ZNF277: variants seen among roughly 807,000 people sequenced by gnomAD.
ZNF277 encodes nuclear receptor-interacting factor 4.
Under a neutral mutation model 60.7 loss-of-function variants are expected in ZNF277, and 55 were observed. The observed-to-expected ratio is 0.91, with a 90% CI of 0.73 to 1.13. The LOEUF is 1.13. ZNF277 is among the 50% of genes most tolerant of loss of function. The probability of loss-of-function intolerance (pLI) is 0.00; values close to 1 mark genes in which losing one functional copy is unlikely to be tolerated. For synonymous variants in ZNF277, 178 were observed against 179.3 expected (o/e 0.99, Z 0.06); for missense variants, 510 against 523.0 (o/e 0.98, Z 0.24).
chr7:112,270,893 C>CA (rs1791653444), intron 1 of ZNF277, among the ~76,000 whole-genome samples: 1 of 151,354 alleles, frequency 6.6e-6, no homozygotes, highest in South Asian at 2.1e-4. Flanking sequence ...CTGGGAGTAG[C>CA]AAAAAATAAA....
intron 1 of ZNF277, 110 bp from the exon 2 acceptor site, chr7:112,286,763 A>G (rs1792072043): frequency 2.2e-6 from 2 of 914,600 alleles, no homozygotes; most frequent in Non-Finnish European, 3.2e-6. Flanking sequence ...GGAGACATGT[A>G]AATATCTTTA....
rs111416783 is a variant in ZNF277 at position 112,239,889 on chromosome 7, TAGAC to T, written c.91+33089_91+33092del. Among the ~76,000 whole-genome samples the T allele has an allele frequency of 2.1e-3, 314 of 152,262 alleles. 2 individuals carry two copies. Among genetic ancestry groups the T allele is most frequent in the African/African-American group, 7.2e-3 (299 of 41,570 alleles). ...AAGTACTACAACCACTTTTAAGACA[TAGAC>T]AGACAGTATAATAAGATCTAAATAG... On this transcript the variant is annotated intron_variant, in intron 1 of 11. Coordinates refer to ENST00000361822, the MANE Select transcript of ZNF277 (RefSeq NM_021994.3).
At chr7:112,240,595 A>T (rs906963059) in intron 1 of ZNF277, among the ~76,000 whole-genome samples, 3 of 152,156 alleles carry the variant, frequency 2.0e-5, no homozygotes, top group Non-Finnish European at 4.4e-5. Context: ...AATGCTACTG[A>T]GCTATGATAA....
intron 1 of ZNF277, among the ~76,000 whole-genome samples, chr7:112,284,671 A>G (rs10258413): frequency 0.057 from 8,707 of 152,128 alleles, 665 homozygotes; most frequent in African/African-American, 0.18. Flanking sequence ...CCGTACTGTC[A>G]TGTATATCCT....
At position 112,340,937 on chromosome 7, in the gene ZNF277, T is replaced by A. The variant is rs755274564; in HGVS notation, c.1075T>A (p.Cys359Ser). The stretch of plus-strand genomic sequence containing the variant: ...TCGGAGGCAAGTTCACCAATGCAGA[T>A]GTTATGGCTGCCATGTGAAGTTCAA... ...FIRRQVHQCRCYGCHVKFKSK... is the reference protein window; with the variant it reads ...FIRRQVHQCRSYGCHVKFKSK... Residue 359 changes from cysteine to serine, a missense_variant, in exon 11 of 12, where the codon TGT (cysteine) becomes AGT (serine). Physicochemically the swap from Cys to Ser is moderately radical, Grantham distance 112. Transcript: ENST00000361822. 5 of 1,613,030 alleles carry A rather than the reference T, an allele frequency of 3.1e-6. No homozygotes were observed. In the East Asian group the frequency reaches 6.7e-5, roughly 22 times the overall value.
chr7:112,312,771 T>A (rs767170584), intron 4 of ZNF277, among the ~76,000 whole-genome samples: 10 of 152,114 alleles, frequency 6.6e-5, no homozygotes, highest in Non-Finnish European at 1.0e-4. Flanking sequence ...TAGGGATAGC[T>A]ACCTGTCTTA....
rs150830649 is a variant in ZNF277 at position 112,223,965 on chromosome 7, C to T, written c.91+17158C>T. On this transcript the variant is annotated intron_variant, in intron 1 of 11. Transcript: ENST00000361822. ...ATTAGAAAAATGTGCTGGGACAGAG[C>T]AGGTTGTATATGAAGATTCTGTCTA... Among the ~76,000 whole-genome samples, 15 of 152,312 alleles carry T rather than the reference C, an allele frequency of 9.8e-5. No individual in the cohort carries two copies. The East Asian group carries it at 2.9e-3, about 29-fold the overall frequency.
chr7:112,282,934 A>G (rs1222648607), intron 1 of ZNF277, among the ~76,000 whole-genome samples: 1 of 152,182 alleles, frequency 6.6e-6, no homozygotes, highest in Non-Finnish European at 1.5e-5. Flanking sequence ...TGTGAGGGTT[A>G]ATTGAGTTAA....
At chr7:112,241,829 A>G (rs1790961389) in intron 1 of ZNF277, among the ~76,000 whole-genome samples, 1 of 152,148 alleles carries the variant, frequency 6.6e-6, no homozygotes, top group South Asian at 2.1e-4. Flanking sequence ...GATAGAGAAT[A>G]GAATGATGGT....
intron 4 of ZNF277, among the ~76,000 whole-genome samples, chr7:112,299,446 C>T (rs184111069): frequency 6.6e-6 from 1 of 152,256 alleles, no homozygotes; most frequent in East Asian, 1.9e-4. Context: ...TATACCATTT[C>T]TGAGAGGCAC....
chr7:112,324,415 T>C (rs891085323), intron 5 of ZNF277, among the ~76,000 whole-genome samples: 4 of 152,198 alleles, frequency 2.6e-5, no homozygotes, highest in Admixed American at 2.6e-4. Context: ...ATGCATTTAA[T>C]TTCCCATAAA....
chr7:112,323,194 C>T (rs1055980908), intron 5 of ZNF277, among the ~76,000 whole-genome samples: 2 of 152,210 alleles, frequency 1.3e-5, no homozygotes, highest in African/African-American at 4.8e-5. Context: ...CTGGGGCTTA[C>T]ATAGACCAGC....
rs377359766 is a variant in ZNF277 at position 112,321,976 on chromosome 7, A to G, written c.557+3703A>G. Among the ~76,000 whole-genome samples, 59 of 152,250 alleles carry G rather than the reference A, an allele frequency of 3.9e-4. 1 individual carries two copies. In the East Asian group the frequency reaches 4.4e-3, roughly 11 times the overall value. On this transcript the variant is annotated intron_variant, in intron 5 of 11. Transcript: ENST00000361822. ...ATCTCTTATCTCTTGGTAAGAATCA[A>G]TGAATTTGAAAATTGTTCAATTGAG...
rs150828372 is a variant in ZNF277 at position 112,322,523 on chromosome 7, C to T, written c.557+4250C>T. ...ATTGGTTGTCTTTTTAAAAAAAATA[C>T]TTTCTGGCTACTATTGGCCACTCTG... On this transcript the variant is annotated intron_variant, in intron 5 of 11. Transcript: ENST00000361822. 2.0e-3 allele frequency among the ~76,000 whole-genome samples: 311 copies of T among 152,102 alleles called. 7 individuals carry two copies. The highest frequency in any genetic ancestry group is 1.4e-3 in the Non-Finnish European group (94 of 67,962).
intron 4 of ZNF277, among the ~76,000 whole-genome samples, chr7:112,315,600 C>T (rs1792826600): frequency 1.3e-5 from 2 of 152,050 alleles, no homozygotes; most frequent in South Asian, 4.1e-4. Context: ...GACCCTGTAT[C>T]ATATAGAACA....
intron 1 of ZNF277, among the ~76,000 whole-genome samples, chr7:112,284,834 C>T (rs1792025692): frequency 6.6e-6 from 1 of 152,100 alleles, no homozygotes; most frequent in African/African-American, 2.4e-5. Context: ...AAGTGACTCC[C>T]CCAACCGCTG....
intron 5 of ZNF277, among the ~76,000 whole-genome samples, chr7:112,326,971 A>G (rs1359012617): frequency 1.3e-5 from 2 of 152,178 alleles, no homozygotes; most frequent in African/African-American, 4.8e-5. Flanking sequence ...ATTAATCAAG[A>G]AGTTGGTCAT....
At chr7:112,333,944 T>A (rs910148116) in intron 7 of ZNF277, among the ~76,000 whole-genome samples, 2 of 152,198 alleles carry the variant, frequency 1.3e-5, no homozygotes, top group Non-Finnish European at 2.9e-5. Context: ...AGCTACATAT[T>A]CCTACGATGC....
chr7:112,342,926 A>G lies in ZNF277; in HGVS notation c.*197A>G. ...GCACTTACTAAGAACATGAAAAAAA[A>G]TGAAGTAGGAAAATAAGATGAAGAC... On this transcript the variant is annotated 3_prime_UTR_variant, in exon 12 of 12. Transcript: ENST00000361822. The G allele has an allele frequency of 2.6e-6, 1 of 383,218 alleles. No individual in the cohort carries two copies. Among genetic ancestry groups the G allele is most frequent in the Non-Finnish European group, 4.6e-6 (1 of 218,224 alleles). 23.7% of individuals were successfully genotyped at this position (383,218 alleles called of 1,614,324 possible).
Sources: allele counts gnomAD v4.1 joint callset (sites outside exome capture counted in the v4.1 genomes callset), GRCh38; gene constraint gnomAD v4.1.1; transcripts MANE v1.5; gene names NCBI Gene and HGNC (gene_info 2026-07-23, HGNC 2026-07-21).